The following AGBL4 variants were observed in gnomAD, a reference collection of about 807,000 sequenced individuals.
AGBL4 encodes the protein cytosolic carboxypeptidase 6.
In AGBL4, 58 loss-of-function variants were observed where a neutral mutation model predicts 66.4. The observed-to-expected ratio is 0.87, with a 90% confidence interval of 0.71 to 1.09. AGBL4 has a LOEUF of 1.09. Ranked by LOEUF, AGBL4 falls within the 50% of genes least tolerant of loss-of-function variation. The pLI is 0.00. For synonymous variants in AGBL4, 234 were observed against 222.9 expected, an observed-to-expected ratio of 1.05 and a Z score of -0.44; for missense variants, 579 against 631.0, an observed-to-expected ratio of 0.92 and a Z score of 0.88.
At chr1:49,380,110 T>C (rs1644566467) in intron 3 of AGBL4, among the ~76,000 whole-genome samples, 1 of 152,158 alleles carries the variant, frequency 6.6e-6, no homozygotes, top group South Asian at 2.1e-4. Flanking sequence ...CCCCATTGGC[T>C]CAGCCCAAAA....
chr1:49,174,316 A>C (rs1454330333), intron 4 of AGBL4, among the ~76,000 whole-genome samples: 1 of 152,156 alleles, frequency 6.6e-6, no homozygotes, highest in Non-Finnish European at 1.5e-5. Flanking sequence ...ATAGCCTTAG[A>C]TAAAAGCTCA....
intron 1 of AGBL4, among the ~76,000 whole-genome samples, chr1:49,874,713 AAAC>A (rs1178134461): frequency 1.3e-5 from 2 of 152,126 alleles, no homozygotes; most frequent in African/African-American, 2.4e-5. Flanking sequence ...TATCATTATC[AAAC>A]AACATGTATT....
intron 6 of AGBL4, among the ~76,000 whole-genome samples, chr1:48,696,376 T>A (rs1646714326): frequency 6.6e-6 from 1 of 152,176 alleles, no homozygotes; most frequent in African/African-American, 2.4e-5. Context: ...CTCAGCCAGG[T>A]GGCTCTAGGA....
At chr1:48,982,089 G>A (rs1342661668) in intron 5 of AGBL4, among the ~76,000 whole-genome samples, 1 of 152,122 alleles carries the variant, frequency 6.6e-6, no homozygotes, top group Admixed American at 6.5e-5. Flanking sequence ...GCAGAGAGGT[G>A]TGTTTGGGAC....
intron 5 of AGBL4, among the ~76,000 whole-genome samples, chr1:49,022,794 T>C (rs1663348234): frequency 6.6e-6 from 1 of 152,190 alleles, no homozygotes; most frequent in South Asian, 2.1e-4. Context: ...TATATTACTA[T>C]TCATGTATAT....
At chr1:49,188,925 G>T (rs769554946) in intron 4 of AGBL4, among the ~76,000 whole-genome samples, 1 of 152,158 alleles carries the variant, frequency 6.6e-6, no homozygotes, top group Non-Finnish European at 1.5e-5. Context: ...ATTCCAGGGG[G>T]TCATAGGTTT....
chr1:49,623,624 C>A (rs902625779), intron 3 of AGBL4, among the ~76,000 whole-genome samples: 1 of 152,192 alleles, frequency 6.6e-6, no homozygotes, highest in Non-Finnish European at 1.5e-5. Context: ...ACTATAAATC[C>A]ATTTCCCCTG....
intron 5 of AGBL4, among the ~76,000 whole-genome samples, chr1:48,912,817 G>C (rs1340893767): frequency 1.3e-5 from 2 of 152,192 alleles, no homozygotes; most frequent in Admixed American, 6.5e-5. Flanking sequence ...TGTGGAGACA[G>C]ATAAACAGCC....
At chr1:49,300,745 A>G (rs1265452503) in intron 3 of AGBL4, among the ~76,000 whole-genome samples, 1 of 152,076 alleles carries the variant, frequency 6.6e-6, no homozygotes, top group African/African-American at 2.4e-5. Context: ...AATCTCTTCC[A>G]TGCCTGTGCT....
chr1:49,951,076 G>C (rs1057131473), intron 1 of AGBL4, among the ~76,000 whole-genome samples: 4 of 151,770 alleles, frequency 2.6e-5, no homozygotes, highest in Non-Finnish European at 5.9e-5. Flanking sequence ...CAGGGGATGG[G>C]GGGGATAGAG....
intron 3 of AGBL4, among the ~76,000 whole-genome samples, chr1:49,634,295 A>G (rs1645629070): frequency 6.6e-6 from 1 of 152,078 alleles, no homozygotes; most frequent in Non-Finnish European, 1.5e-5. Context: ...CTCCCACTTA[A>G]AAGTGAGAAC....
At chr1:49,211,688 C>A (rs560647234) in intron 4 of AGBL4, among the ~76,000 whole-genome samples, 14 of 152,002 alleles carry the variant, frequency 9.2e-5, no homozygotes, top group Admixed American at 7.9e-4. Flanking sequence ...TGTAGTAGGG[C>A]AGACAGACAA....
chr1:49,597,057 G>A (rs1644865977), intron 3 of AGBL4, among the ~76,000 whole-genome samples: 1 of 152,176 alleles, frequency 6.6e-6, no homozygotes, highest in Admixed American at 6.5e-5. Flanking sequence ...TATTTATTAA[G>A]TACATATTAG....
At chr1:48,759,384 C>T (rs1644133508) in intron 6 of AGBL4, 2 of 1,465,746 alleles carry the variant, frequency 1.4e-6, no homozygotes, top group Admixed American at 2.3e-5. Flanking sequence ...CACAGAATCA[C>T]AGAACATCAG....
intron 1 of AGBL4, among the ~76,000 whole-genome samples, chr1:50,015,129 G>T (rs969242952): frequency 1.3e-5 from 2 of 152,104 alleles, no homozygotes; most frequent in African/African-American, 2.4e-5. Flanking sequence ...CCACACTTCT[G>T]CCTACCACTT....
chr1:49,085,245 G>A (rs902775229), intron 4 of AGBL4, among the ~76,000 whole-genome samples: 9 of 150,450 alleles, frequency 6.0e-5, no homozygotes, highest in Non-Finnish European at 7.4e-5. Context: ...CTTAGCTCTC[G>A]GATTTAGACT....
intron 1 of AGBL4, among the ~76,000 whole-genome samples, chr1:49,971,920 T>G (rs1289951720): frequency 4.9e-5 from 5 of 102,260 alleles, no homozygotes; most frequent in Non-Finnish European, 2.0e-5. Context: ...TTTTTTTTTT[T>G]TTTTTTTTTT....
At chr1:49,909,313 G>A (rs1240384486) in intron 1 of AGBL4, among the ~76,000 whole-genome samples, 1 of 152,122 alleles carries the variant, frequency 6.6e-6, no homozygotes, top group East Asian at 1.9e-4. Context: ...TATATTATAT[G>A]TTTCTTTGCA....
intron 6 of AGBL4, among the ~76,000 whole-genome samples, chr1:48,832,245 CACTT>C (rs1646570853): frequency 6.6e-6 from 1 of 152,140 alleles, no homozygotes; most frequent in South Asian, 2.1e-4. Flanking sequence ...CGCTCACTGG[CACTT>C]ACATAAGGAG....
Sources: gnomAD v4.1 joint callset for allele counts (sites outside exome capture counted in the v4.1 genomes callset) on GRCh38, gnomAD v4.1.1 for gene constraint, MANE v1.5 for transcripts, NCBI Gene and HGNC (gene_info 2026-07-23, HGNC 2026-07-21) for gene names.